The following ADD1 variants were observed in gnomAD, a reference collection of about 807,000 sequenced individuals.
ADD1 encodes alpha-adducin.
Under a neutral mutation model 80.5 loss-of-function variants are expected in ADD1, and 24 were observed. That is an observed-to-expected ratio of 0.30 (90% CI 0.22 to 0.42). The LOEUF is 0.42. Among genes scored for constraint, ADD1 ranks in the 10% least tolerant of loss-of-function variants. The pLI is 1.00. For missense variants in ADD1, 948 were observed against 1,019.0 expected (o/e 0.93, Z 0.95); for synonymous variants, 373 against 393.8 (o/e 0.95, Z 0.63).
intron 1 of ADD1, among the ~76,000 whole-genome samples, chr4:2,854,532 C>A (rs1000301310): frequency 6.6e-6 from 1 of 152,098 alleles, no homozygotes; most frequent in Admixed American, 6.6e-5. Flanking sequence ...TGAGTTCTAG[C>A]AATTTTTGGT....
At chr4:2,887,240 T>TTACTATC (rs1733529479) in intron 4 of ADD1, among the ~76,000 whole-genome samples, 1 of 152,176 alleles carries the variant, frequency 6.6e-6, no homozygotes. Flanking sequence ...CATTTCTTAT[T>TTACTATC]TACTATCTAG....
chr4:2,860,034 G>A (rs138863727), intron 1 of ADD1, among the ~76,000 whole-genome samples: 40 of 150,740 alleles, frequency 2.7e-4, no homozygotes, highest in Middle Eastern at 6.9e-3. Flanking sequence ...AAAATCTTAC[G>A]TAGAGTTTTC....
At chr4:2,847,009 C>G (rs1474345178) in intron 1 of ADD1, among the ~76,000 whole-genome samples, 1 of 151,220 alleles carries the variant, frequency 6.6e-6, no homozygotes, top group African/African-American at 2.4e-5. Context: ...CCCAGCTACT[C>G]GGGAGGCTGA....
chr4:2,916,966 T>C (rs925424994), intron 14 of ADD1, among the ~76,000 whole-genome samples: 1 of 152,334 alleles, frequency 6.6e-6, no homozygotes, highest in African/African-American at 2.4e-5. Flanking sequence ...TCCAACTCTT[T>C]CGTATTGTGC....
chr4:2,894,009 A>G lies in ADD1; in HGVS notation c.511-4A>G, dbSNP rs1462929244. On this transcript the variant is annotated splice_region_variant and splice_polypyrimidine_tract_variant and intron_variant, in intron 4 of 15. Coordinates refer to ENST00000683351, the MANE Select transcript of ADD1 (RefSeq NM_001354761.2). Reference sequence around the variant, plus strand: ...TTGAGCTAATTCAGTCATTTTCCCCACAGACCAGAGTGAACTCCGAGCAGG... The same window carrying G: ...TTGAGCTAATTCAGTCATTTTCCCCGCAGACCAGAGTGAACTCCGAGCAGG... 1.9e-6 allele frequency: 3 copies of G among 1,613,570 alleles called. No homozygotes were observed. Among genetic ancestry groups the G allele is most frequent in the Admixed American group, 3.3e-5 (2 of 59,952 alleles).
chr4:2,922,429 C>T (rs1413924516), intron 14 of ADD1, among the ~76,000 whole-genome samples: 2 of 152,180 alleles, frequency 1.3e-5, no homozygotes, highest in Non-Finnish European at 2.9e-5. Context: ...TGCTGGAGGT[C>T]GACTCCAGGC....
chr4:2,847,951 A>C (rs1373395121), intron 1 of ADD1, among the ~76,000 whole-genome samples: 1 of 152,174 alleles, frequency 6.6e-6, no homozygotes, highest in Non-Finnish European at 1.5e-5. Flanking sequence ...ATGGTGGCTC[A>C]CGTCTGTAAT....
chr4:2,920,235 G>A (rs956566699), intron 14 of ADD1, among the ~76,000 whole-genome samples: 1 of 152,108 alleles, frequency 6.6e-6, no homozygotes, highest in African/African-American at 2.4e-5. Flanking sequence ...CTCTTGCTGA[G>A]GAGTGTTTTA....
At chr4:2,923,602 C>G (rs970891151) in intron 14 of ADD1, among the ~76,000 whole-genome samples, 2 of 152,270 alleles carry the variant, frequency 1.3e-5, no homozygotes, top group Non-Finnish European at 2.9e-5. Context: ...GCCTGTCACC[C>G]TGACATTTGT....
intron 13 of ADD1, among the ~76,000 whole-genome samples, chr4:2,913,595 C>T (rs1354323615): frequency 6.6e-6 from 1 of 152,172 alleles, no homozygotes; most frequent in Non-Finnish European, 1.5e-5. Flanking sequence ...ATCTGTCCCT[C>T]TCGGAGCTCT....
At chr4:2,886,785 A>G (rs1577569938) in intron 4 of ADD1, among the ~76,000 whole-genome samples, 1 of 152,222 alleles carries the variant, frequency 6.6e-6, no homozygotes, top group Non-Finnish European at 1.5e-5. Flanking sequence ...CACAAATGCC[A>G]GCTCCCTTCC....
intron 1 of ADD1, among the ~76,000 whole-genome samples, chr4:2,868,643 T>TCC (rs139753487): frequency 1.1e-3 from 167 of 152,244 alleles, no homozygotes; most frequent in African/African-American, 3.7e-3. Flanking sequence ...TATGACACAC[T>TCC]CCCCCAGGGC....
At chr4:2,863,071 A>C (rs977981133) in intron 1 of ADD1, among the ~76,000 whole-genome samples, 11 of 151,902 alleles carry the variant, frequency 7.2e-5, no homozygotes, top group African/African-American at 2.7e-4. Context: ...TTTTTTTGAG[A>C]CAGAGCTTCA....
At chr4:2,904,132 A>G (rs1310187463) in intron 9 of ADD1, among the ~76,000 whole-genome samples, 1 of 152,148 alleles carries the variant, frequency 6.6e-6, no homozygotes, top group Admixed American at 6.5e-5. Context: ...TGGGTGTTCA[A>G]CTTTAATTTT....
chr4:2,852,457 G>C (rs1166834519), intron 1 of ADD1, among the ~76,000 whole-genome samples: 4 of 149,736 alleles, frequency 2.7e-5, no homozygotes, highest in Admixed American at 2.0e-4. Flanking sequence ...GTACTGAGTA[G>C]CTGGGATTAC....
chr4:2,858,458 C>A (rs1270165738), intron 1 of ADD1, among the ~76,000 whole-genome samples: 1 of 152,168 alleles, frequency 6.6e-6, no homozygotes, highest in East Asian at 1.9e-4. Context: ...GGATCAGAAC[C>A]TGGGTTCTCT....
intron 4 of ADD1, among the ~76,000 whole-genome samples, chr4:2,890,629 C>T (rs1560198588): frequency 6.6e-6 from 1 of 152,108 alleles, no homozygotes; most frequent in East Asian, 1.9e-4. Context: ...AGGATGGTCT[C>T]CATCTCCTGA....
chr4:2,894,681 C>T lies in ADD1; in HGVS notation c.691C>T (p.Arg231Cys), dbSNP rs148183016. 1.9e-4 allele frequency: 300 copies of T among 1,602,092 alleles called. No individual in the cohort carries two copies. The highest frequency in any genetic ancestry group is 4.9e-4 in the East Asian group (22 of 44,722). Reference protein sequence around the residue: ...FTLHSAIYAARPDVKCVVHIH... With the variant: ...FTLHSAIYAACPDVKCVVHIH... ...CTTACACTCTGCAATTTATGCTGCA[C>T]GCCCGGACGTGAAGTGCGTCGTGCA... is the stretch of plus-strand genomic sequence containing the variant. Residue 231 changes from arginine to cysteine, a missense_variant, in exon 6 of 16, where the codon CGC (arginine) becomes TGC (cysteine). Coordinates refer to ENST00000683351, the MANE Select transcript of ADD1 (RefSeq NM_001354761.2).
chr4:2,919,812 T>C (rs1739699521), intron 14 of ADD1, among the ~76,000 whole-genome samples: 1 of 152,164 alleles, frequency 6.6e-6, no homozygotes, highest in South Asian at 2.1e-4. Flanking sequence ...TGATTTTTTT[T>C]TGAAGGCTTT....
Sources: gnomAD v4.1 joint callset for allele counts (sites outside exome capture counted in the v4.1 genomes callset) on GRCh38, gnomAD v4.1.1 for gene constraint, MANE v1.5 for transcripts, NCBI Gene and HGNC (gene_info 2026-07-23, HGNC 2026-07-21) for gene names.